The following PPM1B variants were observed in gnomAD, a reference collection of about 807,000 sequenced individuals.
PPM1B encodes the protein protein phosphatase 1B.
PPM1B carries 22 observed loss-of-function variants against 43.0 expected under a neutral mutation model. The observed-to-expected ratio is 0.51, with a 90% confidence interval of 0.37 to 0.73. PPM1B has a LOEUF of 0.73. Among genes scored for constraint, PPM1B ranks in the 30% least tolerant of loss-of-function variants. The pLI, the probability that PPM1B is intolerant of heterozygous loss-of-function variation, is 0.00. For missense variants in PPM1B, 632 were observed against 584.2 expected (o/e 1.08, Z -0.84); for synonymous variants, 217 against 197.9 (o/e 1.10, Z -0.81).
At chr2:44,230,037 T>C in intron 5 of PPM1B, 1 of 1,584,932 alleles carries the variant, frequency 6.3e-7, no homozygotes, top group South Asian at 1.2e-5. Context: ...TTTTCTGTCC[T>C]TTTCCTACTG....
intron 1 of PPM1B, among the ~76,000 whole-genome samples, chr2:44,186,818 T>C (rs909191888): frequency 6.6e-6 from 1 of 152,258 alleles, no homozygotes; most frequent in African/African-American, 2.4e-5. Flanking sequence ...TGGATTCTTC[T>C]TTTTGTGTAG....
At chr2:44,222,159 AG>A (rs1191670712) in intron 5 of PPM1B, among the ~76,000 whole-genome samples, 1 of 151,954 alleles carries the variant, frequency 6.6e-6, no homozygotes, top group East Asian at 1.9e-4. Context: ...CTAAAATGCT[AG>A]TTTGTGTTTT....
rs924731332 is a variant in PPM1B at position 44,201,968 on chromosome 2, T to G, written c.769T>G (p.Tyr257Asp). ...DVMSNEELCE[Y>D]VKSRLEVSDD... ...TATGAGTAATGAGGAGCTCTGTGAA[T>G]ATGTTAAATCTAGGCTTGAGGTATC... Residue 257 changes from tyrosine (Y) to aspartate (D), a missense_variant, in exon 2 of 6, where the codon TAT becomes GAT. Coordinates refer to ENST00000282412, the MANE Select transcript of PPM1B (RefSeq NM_002706.6). This position sits in a 1 kb window ranked among gnomAD's most constrained non-coding sequence, Gnocchi z 5.4. The G allele has an allele frequency of 3.1e-6, 5 of 1,613,956 alleles. No homozygotes were observed. In the African/African-American group the frequency reaches 6.7e-5, roughly 22 times the overall value.
At chr2:44,197,874 A>G (rs916582637) in intron 1 of PPM1B, among the ~76,000 whole-genome samples, 1 of 152,074 alleles carries the variant, frequency 6.6e-6, no homozygotes, top group African/African-American at 2.4e-5. Flanking sequence ...GACATATAGA[A>G]CTCATTAAAA....
chr2:44,215,884 T>G (rs1669696104), intron 3 of PPM1B, among the ~76,000 whole-genome samples: 2 of 152,176 alleles, frequency 1.3e-5, no homozygotes, highest in African/African-American at 4.8e-5. Flanking sequence ...GGAAGGATGT[T>G]TGAGCAGCCG....
chr2:44,174,370 C>T (rs377356357), intron 1 of PPM1B, among the ~76,000 whole-genome samples: 120 of 152,338 alleles, frequency 7.9e-4, no homozygotes, highest in African/African-American at 2.7e-3. Context: ...AGGAACTTGT[C>T]TTTCTCTTAG....
At chr2:44,212,885 C>T (rs951259712) in intron 3 of PPM1B, among the ~76,000 whole-genome samples, 13 of 151,738 alleles carry the variant, frequency 8.6e-5, no homozygotes, top group African/African-American at 3.1e-4. Flanking sequence ...TGGTGGTGGG[C>T]GCCTGTAGTC....
intron 2 of PPM1B, 132 bp downstream of exon 2, chr2:44,202,177 A>G (rs981707526): frequency 7.8e-6 from 7 of 894,810 alleles, no homozygotes; most frequent in South Asian, 2.8e-5. Context: ...GTACTTTACC[A>G]GAAATGAAAC....
intron 1 of PPM1B, among the ~76,000 whole-genome samples, chr2:44,179,886 G>C (rs191930399): frequency 6.6e-6 from 1 of 151,668 alleles, no homozygotes; most frequent in African/African-American, 2.4e-5. Context: ...GTGGGTGCCT[G>C]TAATCCCAGC....
intron 5 of PPM1B, among the ~76,000 whole-genome samples, chr2:44,242,717 C>T (rs1670776217): frequency 6.6e-6 from 1 of 152,062 alleles, no homozygotes; most frequent in Non-Finnish European, 1.5e-5. Context: ...ATGTTTTTCT[C>T]ATATTTGCTT....
chr2:44,204,930 T>C (rs1434548336), intron 2 of PPM1B, among the ~76,000 whole-genome samples: 1 of 151,700 alleles, frequency 6.6e-6, no homozygotes, highest in African/African-American at 2.4e-5. Context: ...TCTGTAAGTG[T>C]TGTATGACTG....
downstream of PPM1B, among the ~76,000 whole-genome samples, chr2:44,238,710 G>GA (rs200252877): frequency 0.011 from 1,532 of 139,264 alleles, 18 homozygotes; most frequent in African/African-American, 0.035. Flanking sequence ...TCAAAAAAAG[G>GA]AAAAAAAAAA....
chr2:44,173,023 T>TTG (rs1427235896), intron 1 of PPM1B, among the ~76,000 whole-genome samples: 2 of 152,226 alleles, frequency 1.3e-5, no homozygotes, highest in Non-Finnish European at 2.9e-5. Context: ...CCTAGAAGAC[T>TTG]AACAAGCGTG....
At chr2:44,235,229 G>A (rs1041859770), downstream of PPM1B, among the ~76,000 whole-genome samples, 1 of 152,198 alleles carries the variant, frequency 6.6e-6, no homozygotes, top group Non-Finnish European at 1.5e-5. Flanking sequence ...GTCACATCAT[G>A]AATTAGTCAT....
At position 44,202,016 on chromosome 2, in the gene PPM1B, A is replaced by G; in HGVS notation, c.817A>G (p.Asn273Asp). The change falls in exon 2 of 6, where the codon AAT becomes GAT. Residue 273 changes from asparagine (N) to aspartate (D), a missense_variant. By Grantham distance (23) the Asn-to-Asp change is conservative. Coordinates refer to ENST00000282412, the MANE Select transcript of PPM1B (RefSeq NM_002706.6). Reference sequence around the variant, plus strand: ...ATCTGATGACCTGGAAAATGTGTGCAATTGGGTAGTGGACACTTGTTTACA... The same window carrying G: ...ATCTGATGACCTGGAAAATGTGTGCGATTGGGTAGTGGACACTTGTTTACA... Reference protein sequence around the residue: ...EVSDDLENVCNWVVDTCLHKG... With the variant: ...EVSDDLENVCDWVVDTCLHKG... 6.2e-7 allele frequency: 1 copy of G among 1,603,554 alleles called. No homozygotes were observed. Among genetic ancestry groups the G allele is most frequent in the Non-Finnish European group, 8.5e-7 (1 of 1,174,638 alleles).
Position 44,198,640 on chromosome 2 carries a change from AACAT to A in PPM1B, c.-14-2544_-14-2541del, listed in dbSNP as rs1668775507. On this transcript the variant is annotated intron_variant, in intron 1 of 5. Coordinates refer to ENST00000282412, the MANE Select transcript of PPM1B (RefSeq NM_002706.6). The stretch of plus-strand genomic sequence containing the variant: ...GGTCCCTCAAATAAGATAAAAGCGT[AACAT>A]AATGTGCCTCTGTTACAAAAATGAA... Among the ~76,000 whole-genome samples, 5 of 152,342 alleles carry A rather than the reference AACAT, an allele frequency of 3.3e-5. No homozygotes were observed. The South Asian group carries it at 1.0e-3, about 32-fold the overall frequency.
chr2:44,197,219 CAGG>C (rs1416138294), intron 1 of PPM1B, among the ~76,000 whole-genome samples: 1 of 152,082 alleles, frequency 6.6e-6, no homozygotes. Flanking sequence ...CTCCCAGGCT[CAGG>C]AGATCTCCCA....
intron 3 of PPM1B, among the ~76,000 whole-genome samples, chr2:44,210,210 A>C (rs1302076797): frequency 6.8e-6 from 1 of 147,914 alleles, no homozygotes; most frequent in South Asian, 2.1e-4. Context: ...TTCATTTGGC[A>C]ATAAATTTTT....
intron 3 of PPM1B, among the ~76,000 whole-genome samples, chr2:44,211,396 T>G (rs993097666): frequency 1.3e-5 from 2 of 152,160 alleles, no homozygotes; most frequent in Non-Finnish European, 2.9e-5. Flanking sequence ...GGCTGATGTT[T>G]CCTCTTGATA....
Sources: gnomAD v4.1 joint callset for allele counts (sites outside exome capture counted in the v4.1 genomes callset) on GRCh38, gnomAD v4.1.1 for gene constraint, Gnocchi (gnomAD v3.1) non-coding constraint, MANE v1.5 for transcripts, NCBI Gene and HGNC (gene_info 2026-07-23, HGNC 2026-07-21) for gene names.